Variants in TSPAN11 observed in about 807,000 individuals in gnomAD.
TSPAN11 encodes the protein tetraspanin-11.
TSPAN11 carries 29 observed loss-of-function variants against 32.9 expected under a neutral mutation model. That is an observed-to-expected ratio of 0.88 (90% CI 0.66 to 1.20). The LOEUF (loss-of-function observed/expected upper bound fraction) is 1.20, where lower values mean the gene tolerates loss of function less well. Among genes scored for constraint, TSPAN11 ranks in the 50% most tolerant of loss-of-function variants. TSPAN11 has a pLI of 0.00. For synonymous variants in TSPAN11, 140 were observed against 141.3 expected, an observed-to-expected ratio of 0.99 and a Z score of 0.07; for missense variants, 283 against 329.1, an observed-to-expected ratio of 0.86 and a Z score of 1.08.
At chr12:31,001,903 G>A in the TSPAN11 span, among the ~76,000 whole-genome samples, 7,196 of 152,238 alleles carry the variant, frequency 0.047, 316 homozygotes, top group East Asian at 0.16. Context: ...CCAGTGCTAA[G>A]AGAGAGGCCG....
chr12:30,947,454 C>A (rs1938290956), intron 1 of TSPAN11, among the ~76,000 whole-genome samples: 1 of 152,092 alleles, frequency 6.6e-6, no homozygotes, highest in Non-Finnish European at 1.5e-5. Flanking sequence ...ATACCTGAGA[C>A]TGGGAAGAAA....
chr12:30,941,131 C>T (rs1249447573), intron 1 of TSPAN11, among the ~76,000 whole-genome samples: 4 of 152,214 alleles, frequency 2.6e-5, no homozygotes, highest in Non-Finnish European at 1.5e-5. Flanking sequence ...TGTATGTCCA[C>T]CTATACGTGC....
chr12:30,959,175 A>G (rs1938560583), intron 2 of TSPAN11, among the ~76,000 whole-genome samples: 1 of 152,084 alleles, frequency 6.6e-6, no homozygotes, highest in African/African-American at 2.4e-5. Flanking sequence ...CCCGGGTACC[A>G]GGCCGTGTGC....
At chr12:30,957,228 A>ACCCCCCCCCCCCCC (rs56296744) in intron 2 of TSPAN11, among the ~76,000 whole-genome samples, 1 of 107,406 alleles carries the variant, frequency 9.3e-6, no homozygotes, top group Non-Finnish European at 2.0e-5. Context: ...ATGGCCTGGG[A>ACCCCCCCCCCCCCC]CCCCCCCCCC....
At chr12:30,944,771 C>T (rs1938233628) in intron 1 of TSPAN11, among the ~76,000 whole-genome samples, 2 of 152,204 alleles carry the variant, frequency 1.3e-5, no homozygotes, top group Non-Finnish European at 2.9e-5. Context: ...AATATGCCAG[C>T]TTTGTTTTTA....
chr12:31,000,896 A>G (rs533074732), downstream of TSPAN11, among the ~76,000 whole-genome samples: 6 of 152,346 alleles, frequency 3.9e-5, no homozygotes, highest in Middle Eastern at 3.4e-3. Flanking sequence ...GATGAATAGC[A>G]AAAATGCTGC....
At chr12:30,986,070 G>A (rs1398699879) in intron 7 of TSPAN11, among the ~76,000 whole-genome samples, 1 of 152,198 alleles carries the variant, frequency 6.6e-6, no homozygotes, top group East Asian at 1.9e-4. Context: ...TAAGCTTTGA[G>A]AAAGGGCTCA....
At chr12:31,003,224 C>T in the TSPAN11 span, among the ~76,000 whole-genome samples, 1 of 152,234 alleles carries the variant, frequency 6.6e-6, no homozygotes, top group Admixed American at 6.5e-5. Context: ...AGAGGAGAGA[C>T]ACTTAGCCAC....
At chr12:30,974,139 T>C (rs1938910759) in intron 3 of TSPAN11, among the ~76,000 whole-genome samples, 1 of 152,270 alleles carries the variant, frequency 6.6e-6, no homozygotes, top group Non-Finnish European at 1.5e-5. Context: ...CACATGCTTC[T>C]GTCCATGTTC....
At chr12:31,011,279 A>C in the TSPAN11 span, among the ~76,000 whole-genome samples, 1 of 152,204 alleles carries the variant, frequency 6.6e-6, no homozygotes, top group Non-Finnish European at 1.5e-5. Flanking sequence ...CTGTCATCCC[A>C]GCTACTCAGG....
At chr12:30,953,867 G>T in intron 1 of TSPAN11, 114 bp from the exon 2 acceptor site, 1 of 696,228 alleles carries the variant, frequency 1.4e-6, no homozygotes, top group Non-Finnish European at 2.4e-6. Flanking sequence ...CAAAGCCCCC[G>T]GCAGATAGGT....
the TSPAN11 span, among the ~76,000 whole-genome samples, chr12:31,016,161 A>G: frequency 2.0e-5 from 3 of 152,194 alleles, no homozygotes; most frequent in African/African-American, 7.2e-5. Context: ...ACGCAAAAGG[A>G]CAGATATTGT....
chr12:30,947,500 G>A (rs1938291910), intron 1 of TSPAN11, among the ~76,000 whole-genome samples: 1 of 152,222 alleles, frequency 6.6e-6, no homozygotes, highest in African/African-American at 2.4e-5. Flanking sequence ...CCACATGGCT[G>A]AGGAGGCCTC....
Position 30,995,463 on chromosome 12 carries a change from C to T in TSPAN11, c.*3548C>T. 6.6e-6 allele frequency: 1 copy of T among 152,460 alleles called. No homozygotes were observed. Among genetic ancestry groups the T allele is most frequent in the Non-Finnish European group, 1.5e-5 (1 of 68,136 alleles). 9.4% of individuals were successfully genotyped at this position (152,460 alleles called of 1,614,324 possible). A position where few individuals can be genotyped will look rare whatever the true frequency, so the allele number is the denominator to read the frequency against. ...TGCTGTGCATGGCCAGAGGTGTTTA[C>T]ATCCAGAAGGGCCCAGCACGGCCCT... On this transcript the variant is annotated 3_prime_UTR_variant, in exon 8 of 8. Coordinates refer to ENST00000546076, the MANE Select transcript of TSPAN11 (RefSeq NM_001370302.1).
intron 7 of TSPAN11, 62 bp downstream of exon 7, chr12:30,983,212 C>T (rs1939132346): frequency 1.3e-6 from 2 of 1,492,210 alleles, no homozygotes; most frequent in Non-Finnish European, 1.8e-6. Context: ...CCCATTGACA[C>T]AGGTCTTCAG....
chr12:30,959,211 G>A (rs1046319152), intron 2 of TSPAN11, among the ~76,000 whole-genome samples: 3 of 152,052 alleles, frequency 2.0e-5, no homozygotes, highest in African/African-American at 7.2e-5. Context: ...GGGGAGTGAG[G>A]GGACTTTCCC....
chr12:30,940,252 T>C (rs1482521825), intron 1 of TSPAN11, among the ~76,000 whole-genome samples: 2 of 152,190 alleles, frequency 1.3e-5, no homozygotes, highest in Non-Finnish European at 2.9e-5. Context: ...ATGAGAAATA[T>C]TTATGTGATT....
chr12:30,980,023 C>G (rs1268148034), intron 5 of TSPAN11, among the ~76,000 whole-genome samples: 1 of 152,208 alleles, frequency 6.6e-6, no homozygotes, highest in Non-Finnish European at 1.5e-5. Flanking sequence ...AAGCTCCTCT[C>G]CAGGCTGCTT....
chr12:30,997,742 T>C (rs1039438509), downstream of TSPAN11, among the ~76,000 whole-genome samples: 12 of 152,096 alleles, frequency 7.9e-5, no homozygotes, highest in African/African-American at 2.9e-4. Context: ...ACTCAGGTAG[T>C]CTGGGCTCAG....
Sources: allele counts gnomAD v4.1 joint callset (sites outside exome capture counted in the v4.1 genomes callset), GRCh38; gene constraint gnomAD v4.1.1; transcripts MANE v1.5; gene names NCBI Gene and HGNC (gene_info 2026-07-23, HGNC 2026-07-21).